The following PDS5A variants were observed in gnomAD, a reference collection of about 807,000 sequenced individuals.
PDS5A encodes the protein PDS5 cohesin associated factor A.
Under a neutral mutation model 167.1 loss-of-function variants are expected in PDS5A, and 42 were observed. The observed-to-expected ratio is 0.25, with a 90% CI of 0.20 to 0.33. PDS5A has a LOEUF of 0.33. PDS5A is among the 10% of genes least tolerant of loss of function. PDS5A has a pLI of 1.00. For missense variants in PDS5A, 1,033 were observed against 1,605.9 expected, an observed-to-expected ratio of 0.64 and a Z score of 6.10; for synonymous variants, 553 against 554.6, an observed-to-expected ratio of 1.00 and a Z score of 0.04.
intron 23 of PDS5A, 145 bp downstream of exon 23, chr4:39,866,716 G>C (rs540630274): frequency 1.6e-6 from 1 of 640,492 alleles, no homozygotes; most frequent in African/African-American, 1.8e-5. Flanking sequence ...CTGACAGACA[G>C]ACAAACCCTA....
intron 2 of PDS5A, among the ~76,000 whole-genome samples, chr4:39,940,077 G>T (rs918973562): frequency 2.6e-5 from 4 of 152,010 alleles, no homozygotes; most frequent in Non-Finnish European, 4.4e-5. Flanking sequence ...GGCTAACATG[G>T]CAAAACCCCA....
intron 26 of PDS5A, among the ~76,000 whole-genome samples, chr4:39,861,475 G>A (rs1020699291): frequency 6.6e-6 from 1 of 152,124 alleles, no homozygotes. Flanking sequence ...AATAAAGAGA[G>A]AGAGACTGGT....
intron 11 of PDS5A, among the ~76,000 whole-genome samples, chr4:39,907,651 A>T (rs1211089158): frequency 6.6e-6 from 1 of 151,194 alleles, no homozygotes; most frequent in Non-Finnish European, 1.5e-5. Flanking sequence ...CAGTGGTGCA[A>T]TCTCGGCTCA....
chr4:39,971,024 G>A (rs1209953145), intron 2 of PDS5A, among the ~76,000 whole-genome samples: 1 of 151,340 alleles, frequency 6.6e-6, no homozygotes, highest in Non-Finnish European at 1.5e-5. Context: ...CTCCCACCTT[G>A]ACCTCCTGAA....
chr4:39,853,899 T>C (rs541457652), intron 26 of PDS5A, among the ~76,000 whole-genome samples: 1 of 152,356 alleles, frequency 6.6e-6, no homozygotes, highest in East Asian at 1.9e-4. Context: ...CTAAACACAT[T>C]TTAAACAATT....
At chr4:39,849,138 A>C (rs1717894651) in intron 27 of PDS5A, among the ~76,000 whole-genome samples, 168 bp from the exon 28 acceptor site, 1 of 152,208 alleles carries the variant, frequency 6.6e-6, no homozygotes, top group Non-Finnish European at 1.5e-5. Flanking sequence ...CCTTCTGATA[A>C]ATAAAAATCC....
intron 21 of PDS5A, 197 bp downstream of exon 21, chr4:39,872,787 TAA>T (rs1720161909): frequency 8.4e-6 from 3 of 358,536 alleles, no homozygotes; most frequent in Non-Finnish European, 4.9e-6. Context: ...TTTTGTTTCT[TAA>T]GTGTGAAATT....
At chr4:39,879,646 A>T in intron 18 of PDS5A, 82 bp downstream of exon 18, 1 of 721,996 alleles carries the variant, frequency 1.4e-6, no homozygotes, top group Non-Finnish European at 2.5e-6. Flanking sequence ...CTGTGAAATA[A>T]GCCTGACTCT....
intron 11 of PDS5A, among the ~76,000 whole-genome samples, chr4:39,906,927 A>AC (rs200804588): frequency 0.017 from 2,549 of 148,904 alleles, 80 homozygotes; most frequent in African/African-American, 0.059. Context: ...TAAAAAAAAA[A>AC]AAAAAAAAAA....
chr4:39,834,429 T>C (rs1716204990), intron 32 of PDS5A, among the ~76,000 whole-genome samples: 1 of 152,196 alleles, frequency 6.6e-6, no homozygotes, highest in Non-Finnish European at 1.5e-5. Flanking sequence ...TCCTCCACCA[T>C]GACAATGTTC....
intron 2 of PDS5A, among the ~76,000 whole-genome samples, chr4:39,929,529 A>C (rs950033128): frequency 0.027 from 1,655 of 61,738 alleles, 43 homozygotes; most frequent in Non-Finnish European, 0.046. Flanking sequence ...CTATATATAT[A>C]TATATATATA....
chr4:39,930,246 A>AAAAAAAAAAAAAAAAAATTTTTTTT, intron 2 of PDS5A, among the ~76,000 whole-genome samples: 1 of 93,090 alleles, frequency 1.1e-5, no homozygotes, highest in Non-Finnish European at 2.2e-5. Flanking sequence ...AAAAAAAAAA[A>AAAAAAAAAAAAAAAAAATTTTTTTT]GTTTTTTTGT....
chr4:39,968,347 C>CTT (rs34421673), intron 2 of PDS5A, among the ~76,000 whole-genome samples: 1 of 132,620 alleles, frequency 7.5e-6, no homozygotes, highest in Non-Finnish European at 1.6e-5. Context: ...ATTTGTGATT[C>CTT]TTTTTTTTTT....
intron 2 of PDS5A, among the ~76,000 whole-genome samples, chr4:39,962,233 T>C (rs1336429284): frequency 6.6e-6 from 1 of 151,990 alleles, no homozygotes; most frequent in Non-Finnish European, 1.5e-5. Context: ...AATTTTTGTA[T>C]TTTTAGTAGA....
rs1165378507 is a variant in PDS5A at position 39,890,756 on chromosome 4, A to C, written c.1771-392T>G. On this transcript the variant is annotated intron_variant, in intron 16 of 32. Transcript: ENST00000303538. ...CTCAGGCTCCAGAGTAGCTGGGATT[A>C]CAGGCACGTGCCTCCATGCCCAGCT... Among the ~76,000 whole-genome samples the C allele has an allele frequency of 6.6e-5, 10 of 152,016 alleles. No individual in the cohort carries two copies. The East Asian group carries it at 1.9e-3, about 29-fold the overall frequency.
intron 23 of PDS5A, among the ~76,000 whole-genome samples, chr4:39,866,481 C>G (rs1162789045): frequency 6.6e-6 from 1 of 152,174 alleles, no homozygotes; most frequent in African/African-American, 2.4e-5. Flanking sequence ...CGCTTTAATA[C>G]AGGGATGCTC....
intron 30 of PDS5A, among the ~76,000 whole-genome samples, chr4:39,843,325 C>A (rs1341837969): frequency 6.6e-6 from 1 of 152,114 alleles, no homozygotes; most frequent in Non-Finnish European, 1.5e-5. Context: ...CCATAAGGCA[C>A]TACACCCAGC....
chr4:39,949,154 T>C (rs1392447575), intron 2 of PDS5A, among the ~76,000 whole-genome samples: 1 of 149,524 alleles, frequency 6.7e-6, no homozygotes, highest in African/African-American at 2.5e-5. Flanking sequence ...AAAAAAAAGA[T>C]AGCCAGGTGT....
At chr4:39,871,064 C>G (rs1011814616) in intron 21 of PDS5A, among the ~76,000 whole-genome samples, 5 of 151,992 alleles carry the variant, frequency 3.3e-5, no homozygotes, top group Non-Finnish European at 5.9e-5. Flanking sequence ...ACAACAGACA[C>G]AAAAGGACAA....
Sources: allele counts gnomAD v4.1 joint callset (sites outside exome capture counted in the v4.1 genomes callset), GRCh38; gene constraint gnomAD v4.1.1; transcripts MANE v1.5; gene names NCBI Gene and HGNC (gene_info 2026-07-23, HGNC 2026-07-21).